Variants in TRIM65 observed in about 807,000 individuals in gnomAD.
TRIM65 encodes tripartite motif containing 65.
In TRIM65, 46 loss-of-function variants were observed where a neutral mutation model predicts 36.1. The ratio of observed to expected loss-of-function variants is 1.27; its 90% CI spans 1.01 to 1.63. The LOEUF is 1.63. TRIM65 is among the 40% of genes most tolerant of loss of function. The pLI, the probability that TRIM65 is intolerant of heterozygous loss-of-function variation, is 0.00. For missense variants in TRIM65, 708 were observed against 696.6 expected (o/e 1.02, Z -0.18); for synonymous variants, 346 against 313.6 (o/e 1.10, Z -1.09).
At chr17:75,883,900 G>C (rs2065186844) in intron 4 of TRIM65, among the ~76,000 whole-genome samples, 1 of 152,134 alleles carries the variant, frequency 6.6e-6, no homozygotes, top group Non-Finnish European at 1.5e-5. Flanking sequence ...AAAGTAAACA[G>C]GCCAGGTGCG....
chr17:75,895,305 C>A lies in TRIM65; in HGVS notation c.414+1219G>T, dbSNP rs139194659. The stretch of plus-strand genomic sequence containing the variant: ...TTCTTTGCCTCCCTGCACTCCTACC[C>A]GATTCGGGTCTTACATCCTGCCCCC... On this transcript the variant is annotated intron_variant, in intron 1 of 5. Transcript: ENST00000269383. Among the ~76,000 whole-genome samples the A allele has an allele frequency of 1.1e-4, 16 of 152,266 alleles. No homozygotes were observed. In the East Asian group the frequency reaches 3.1e-3, roughly 29 times the overall value.
chr17:75,895,147 G>A (rs2065327696), intron 1 of TRIM65, among the ~76,000 whole-genome samples: 1 of 152,158 alleles, frequency 6.6e-6, no homozygotes, highest in South Asian at 2.1e-4. Context: ...AAACCCAGGT[G>A]TCTCCCTTGC....
In TRIM65 at chr17:75,883,120, CTTTTTTTTT is replaced by C. The variant is rs566533056; in HGVS notation, c.350-2500_350-2492del. Reference sequence around the variant, plus strand: ...CTAACAGCACTTCCTTTTCTTTATGCTTTTTTTTTTTTTTTTAGACAGAGTCTCACTCTT... The same window carrying C: ...CTAACAGCACTTCCTTTTCTTTATGCTTTTTTTAGACAGAGTCTCACTCTT... On this transcript the variant is annotated intron_variant, in intron 4 of 4. Transcript: ENST00000591668. Among the ~76,000 whole-genome samples, 43 of 135,996 alleles carry C rather than the reference CTTTTTTTTT, an allele frequency of 3.2e-4. 2 individuals carry two copies. The highest frequency in any genetic ancestry group is 1.2e-3 in the African/African-American group (43 of 35,580). 89.2% of individuals were successfully genotyped at this position (135,996 alleles called of 152,430 possible). A position where few individuals can be genotyped will look rare whatever the true frequency, so the allele number is the denominator to read the frequency against.
At chr17:75,888,218 T>C (rs2065224660), downstream of TRIM65, among the ~76,000 whole-genome samples, 1 of 150,350 alleles carries the variant, frequency 6.7e-6, no homozygotes, top group Non-Finnish European at 1.5e-5. Flanking sequence ...TCGGGTGTGG[T>C]GGTGTGCGCT....
intron 1 of TRIM65, among the ~76,000 whole-genome samples, chr17:75,894,623 G>A (rs370354316): frequency 2.0e-5 from 3 of 152,182 alleles, no homozygotes; most frequent in Non-Finnish European, 1.5e-5. Flanking sequence ...TCCGCCTCCC[G>A]GGTTCACGCC....
chr17:75,893,970 C>T (rs1599462751), intron 1 of TRIM65, among the ~76,000 whole-genome samples: 1 of 152,208 alleles, frequency 6.6e-6, no homozygotes, highest in Non-Finnish European at 1.5e-5. Flanking sequence ...TCTCATCCTC[C>T]TCGGCGGCTT....
Position 75,889,775 on chromosome 17 carries a change from C to G in TRIM65, c.*1004G>C, listed in dbSNP as rs2065241931. On this transcript the variant is annotated 3_prime_UTR_variant, in exon 6 of 6. Coordinates refer to ENST00000269383, the MANE Select transcript of TRIM65 (RefSeq NM_173547.4). ...CCTACATACATGACCATAAATGTGG[C>G]CAAACATCCCACTCAGAAATATTCA... 6.6e-6 allele frequency: 1 copy of G among 152,078 alleles called. No homozygotes were observed. Among genetic ancestry groups the G allele is most frequent in the Non-Finnish European group, 1.5e-5 (1 of 68,020 alleles). 9.4% of individuals were successfully genotyped at this position (152,078 alleles called of 1,614,324 possible).
rs761022561 is a variant in TRIM65, at chr17:75,892,042, T to A, written c.888A>T (p.Ala296=). ...GGGCTAAGTCCACAGGCTTGGCTGG[T>A]GCCCCAGGGTGGCTCCCCTCTTCCA... The part of the protein sequence containing the change: ...LLLEEGSHPG[A]PAKPVDLAPV... The change falls in exon 4 of 6, where the codon GCA becomes GCT. Residue 296 remains alanine (A), a synonymous_variant. Coordinates refer to ENST00000269383, the MANE Select transcript of TRIM65 (RefSeq NM_173547.4). 7.8e-5 allele frequency: 121 copies of A among 1,547,280 alleles called. 1 individual carries two copies. Among genetic ancestry groups the A allele is most frequent in the Middle Eastern group, 5.2e-4 (3 of 5,768 alleles).
chr17:75,882,680 A>ATGGC (rs2065175837), intron 4 of TRIM65, among the ~76,000 whole-genome samples: 1 of 150,672 alleles, frequency 6.6e-6, no homozygotes, highest in Non-Finnish European at 1.5e-5. Context: ...CCCTATCCTA[A>ATGGC]AGGATGGCAA....
chr17:75,891,268 G>A lies in TRIM65; in HGVS notation c.1065C>T (p.His355=), dbSNP rs748743117. ...YLSRQDQQVK[H]CRQSRGPGGP... ...CGCCTGGGCCCCGGGACTGACGACA[G>A]TGCTTCACCTGCTGGTCCTGGCGCG... Residue 355 remains histidine, a synonymous_variant, in exon 6 of 6, where the codon CAC becomes CAT. Coordinates refer to ENST00000269383, the MANE Select transcript of TRIM65 (RefSeq NM_173547.4). 111 of 1,612,934 alleles carry A rather than the reference G, an allele frequency of 6.9e-5. No individual in the cohort carries two copies. In the Middle Eastern group the frequency reaches 1.6e-3, roughly 24 times the overall value.
At chr17:75,892,707 A>C in intron 2 of TRIM65, 48 bp downstream of exon 2, 1 of 1,547,466 alleles carries the variant, frequency 6.5e-7, no homozygotes. Context: ...TGGCCGCCCC[A>C]GGATGCAGTG....
downstream of TRIM65, among the ~76,000 whole-genome samples, chr17:75,887,054 G>C (rs1226877749): frequency 6.6e-6 from 1 of 151,322 alleles, no homozygotes; most frequent in East Asian, 1.9e-4. Context: ...CTACTCAGGA[G>C]GCTGAGGCAG....
At position 75,891,701 on chromosome 17, in the gene TRIM65, CCT is replaced by C. The variant is rs1474680863; in HGVS notation, c.985+110_985+111del. 4.4e-6 allele frequency: 6 copies of C among 1,350,854 alleles called. No homozygotes were observed. In the Admixed American group the frequency reaches 8.7e-5, roughly 20 times the overall value. 83.7% of individuals were successfully genotyped at this position (1,350,854 alleles called of 1,614,324 possible). ...GCAGGACAGTCAAAACAAGTGCCCC[CCT>C]CACTCACACGTGCATACGAACATGC... is the stretch of plus-strand genomic sequence containing the variant. On this transcript the variant is annotated intron_variant, in intron 5 of 5. Coordinates refer to ENST00000269383, the MANE Select transcript of TRIM65 (RefSeq NM_173547.4).
chr17:75,886,405 C>T (rs962608217), downstream of TRIM65, among the ~76,000 whole-genome samples: 1 of 151,708 alleles, frequency 6.6e-6, no homozygotes, highest in African/African-American at 2.4e-5. Flanking sequence ...ACCTGTAGTC[C>T]CAGCTACTCA....
chr17:75,891,090 T>C lies in TRIM65; in HGVS notation c.1243A>G (p.Asn415Asp). 1.2e-6 allele frequency: 2 copies of C among 1,610,888 alleles called. No homozygotes were observed. Among genetic ancestry groups the C allele is most frequent in the Non-Finnish European group, 1.7e-6 (2 of 1,179,844 alleles). Reference protein sequence around the residue: ...PRCRLGPHTDNIGRGPCSWGL... With the variant: ...PRCRLGPHTDDIGRGPCSWGL... ...CAGGAGCAGGGTCCCCGGCCAATGTTGTCTGTGTGGGGCCCCAGCCTGCAC... is the reference window on the plus strand; with the variant it reads ...CAGGAGCAGGGTCCCCGGCCAATGTCGTCTGTGTGGGGCCCCAGCCTGCAC... The change falls in exon 6 of 6, where the codon AAC becomes GAC. Residue 415 changes from asparagine (N) to aspartate (D), a missense_variant. Asn to Asp is a conservative substitution (Grantham distance 23, BLOSUM62 1). Coordinates refer to ENST00000269383, the MANE Select transcript of TRIM65 (RefSeq NM_173547.4).
chr17:75,885,603 T>C (rs1036179209), downstream of TRIM65, among the ~76,000 whole-genome samples: 5 of 152,372 alleles, frequency 3.3e-5, no homozygotes, highest in South Asian at 2.1e-4. Context: ...CTCCTTTGTG[T>C]TGAATTCCCC....
chr17:75,881,262 A>G (rs1195549076), intron 4 of TRIM65, among the ~76,000 whole-genome samples: 7 of 149,340 alleles, frequency 4.7e-5, no homozygotes, highest in Non-Finnish European at 8.8e-5. Flanking sequence ...AAAAAAGAAA[A>G]GAAAAGAAGA....
intron 1 of TRIM65, among the ~76,000 whole-genome samples, chr17:75,895,251 T>A (rs2065329414): frequency 6.6e-6 from 1 of 152,172 alleles, no homozygotes; most frequent in African/African-American, 2.4e-5. Context: ...CTCCTCCATC[T>A]TGGTCTCCCT....
rs879407931 is a variant in TRIM65 at position 75,896,502 on chromosome 17, C to T, written c.414+22G>A. On this transcript the variant is annotated intron_variant, in intron 1 of 5. Transcript: ENST00000269383. ...AGGCTGCGGCGGGTCCGGACCCCTC[C>T]CGCTCCCGGCGGATGCGTCACCTCG... The T allele has an allele frequency of 3.0e-6, 4 of 1,315,126 alleles. No homozygotes were observed. In the Admixed American group the frequency reaches 1.7e-4, roughly 54 times the overall value. The allele number at this position is 1,315,126 out of a possible 1,614,324, so 81.5% of individuals were successfully genotyped here.
Sources: gnomAD v4.1 joint callset for allele counts (sites outside exome capture counted in the v4.1 genomes callset) on GRCh38, gnomAD v4.1.1 for gene constraint, MANE v1.5 for transcripts, NCBI Gene and HGNC (gene_info 2026-07-23, HGNC 2026-07-21) for gene names.